The following SACS variants were observed in gnomAD, a reference collection of about 807,000 sequenced individuals.
SACS encodes sacsin.
Under a neutral mutation model 348.0 loss-of-function variants are expected in SACS, and 197 were observed. That is an observed-to-expected ratio of 0.57 (90% CI 0.50 to 0.64). The LOEUF (loss-of-function observed/expected upper bound fraction) is 0.64, where lower values mean the gene tolerates loss of function less well. SACS is among the 30% of genes least tolerant of loss of function. The probability of loss-of-function intolerance (pLI) is 0.00; values close to 1 mark genes in which losing one functional copy is unlikely to be tolerated. For synonymous variants in SACS, 1,985 were observed against 1,910.6 expected (o/e 1.04, Z -1.02); for missense variants, 4,999 against 5,360.8 (o/e 0.93, Z 2.11).
At chr13:23,360,750 G>A (rs964844032) in intron 6 of SACS, among the ~76,000 whole-genome samples, 10 of 111,158 alleles carry the variant, frequency 9.0e-5, no homozygotes, top group Non-Finnish European at 1.6e-4. Flanking sequence ...CACTCTCCAA[G>A]GTACTTTTTT....
chr13:23,400,781 T>A (rs1342326927), intron 2 of SACS, among the ~76,000 whole-genome samples: 1 of 152,222 alleles, frequency 6.6e-6, no homozygotes, highest in Non-Finnish European at 1.5e-5. Flanking sequence ...TCCTATTTAG[T>A]CAAATGTTCA....
chr13:23,345,875 GACC>G (rs2137666928), intron 9 of SACS, among the ~76,000 whole-genome samples: 1 of 152,068 alleles, frequency 6.6e-6, no homozygotes, highest in African/African-American at 2.4e-5. Context: ...GGGAAAATAG[GACC>G]ACTAGTTGAG....
At position 23,335,249 on chromosome 13, in the gene SACS, T is replaced by G. The variant is rs1305353841; in HGVS notation, c.8627A>C (p.Glu2876Ala). ...ATTCACATGAAATGGCAGCCCAGTC[T>G]CCAAAGAAAGAGGCAAAAAACAGAA... Reference protein sequence around the residue: ...RAFCFLPLSLETGLPFHVNGH... With the variant: ...RAFCFLPLSLATGLPFHVNGH... Residue 2876 changes from glutamate (E) to alanine (A), a missense_variant, in exon 10 of 10, where the codon GAG (glutamate) becomes GCG (alanine). This residue lies in a region of SACS where 21 missense variants were observed against 51.8 expected (regional missense o/e 0.41). Transcript: ENST00000382292. The surrounding 1 kb of genome is among the most constrained non-coding windows in gnomAD (Gnocchi z 4.7). 1.2e-6 allele frequency: 2 copies of G among 1,613,924 alleles called. No homozygotes were observed. Among genetic ancestry groups the G allele is most frequent in the South Asian group, 1.1e-5 (1 of 91,076 alleles).
chr13:23,427,350 A>AG (rs1417762875), intron 1 of SACS: 5 of 152,256 alleles, frequency 3.3e-5, no homozygotes, highest in African/African-American at 9.6e-5. Context: ...TGTTAGGGAC[A>AG]GGGGCTCCCC....
Position 23,338,529 on chromosome 13 carries a change from T to C in SACS, c.5347A>G (p.Arg1783Gly). ...GCAGCTGGGTCATCATCTGGACCTCTAAAAAGTGGCGACTGTAAATCAGCA... is the reference window on the plus strand; with the variant it reads ...GCAGCTGGGTCATCATCTGGACCTCCAAAAAGTGGCGACTGTAAATCAGCA... ...RIADLQSPLF[R>G]GPDDDPAALF... Residue 1783 changes from arginine (R) to glycine (G), a missense_variant, in exon 10 of 10, where the codon AGA becomes GGA. Physicochemically the swap from Arg to Gly is moderately radical, Grantham distance 125 (BLOSUM62 -2). This residue lies in a region of SACS where 3,156 missense variants were observed against 3,380.1 expected (regional missense o/e 0.93). Transcript: ENST00000382292. 1 of 1,614,226 alleles carries C rather than the reference T, an allele frequency of 6.2e-7. No individual in the cohort carries two copies. Among genetic ancestry groups the C allele is most frequent in the Non-Finnish European group, 8.5e-7 (1 of 1,180,014 alleles).
intron 2 of SACS, among the ~76,000 whole-genome samples, chr13:23,396,688 C>T (rs1297040420): frequency 2.0e-5 from 3 of 152,070 alleles, no homozygotes; most frequent in Admixed American, 6.6e-5. Context: ...ATATTTAAAT[C>T]TTTTCACTGT....
At chr13:23,394,245 G>C (rs976507851) in intron 2 of SACS, among the ~76,000 whole-genome samples, 1 of 152,076 alleles carries the variant, frequency 6.6e-6, no homozygotes, top group African/African-American at 2.4e-5. Flanking sequence ...CCTGTCTTTG[G>C]CCTACCTATT....
At position 23,430,453 on chromosome 13, in the gene SACS, T is replaced by A. The variant is rs547918600; in HGVS notation, c.-502+3162A>T. 6.6e-5 allele frequency among the ~76,000 whole-genome samples: 10 copies of A among 152,286 alleles called. No homozygotes were observed. In the East Asian group the frequency reaches 1.2e-3, roughly 18 times the overall value. On this transcript the variant is annotated intron_variant, in intron 1 of 9. Coordinates refer to ENST00000382292, the MANE Select transcript of SACS (RefSeq NM_014363.6). ...TGAGTTTCAGATAAACCACGAATTA[T>A]TTTTTAGTATGTTTATGTCTTATGC...
At chr13:23,415,306 T>C (rs1873653568) in intron 1 of SACS, among the ~76,000 whole-genome samples, 1 of 152,138 alleles carries the variant, frequency 6.6e-6, no homozygotes, top group African/African-American at 2.4e-5. Flanking sequence ...GTGCTGGGAG[T>C]ACAGGTGTGA....
intron 2 of SACS, among the ~76,000 whole-genome samples, chr13:23,405,098 GC>G (rs1219764222): frequency 6.6e-6 from 1 of 152,080 alleles, no homozygotes; most frequent in Non-Finnish European, 1.5e-5. Flanking sequence ...GCCCGTATAA[GC>G]CAAGATAATC....
chr13:23,378,530 T>A (rs1257238463), intron 2 of SACS, among the ~76,000 whole-genome samples: 1 of 152,144 alleles, frequency 6.6e-6, no homozygotes. Context: ...GGCCTCTGCA[T>A]CCTGGGTTCA....
At position 23,368,942 on chromosome 13, in the gene SACS, G is replaced by A. The variant is rs531095176; in HGVS notation, c.260-455C>T. ...TCTTGATCTCCTGACCTCGTGATCC[G>A]CCCACCTTGGCCTCCCAAAGTGCTG... On this transcript the variant is annotated intron_variant, in intron 4 of 9. Transcript: ENST00000382292. 1.0e-3 allele frequency among the ~76,000 whole-genome samples: 154 copies of A among 152,142 alleles called. 2 individuals carry two copies. The South Asian group carries it at 0.019, about 19-fold the overall frequency.
At chr13:23,402,929 G>A (rs748437478) in intron 2 of SACS, among the ~76,000 whole-genome samples, 45 of 151,108 alleles carry the variant, frequency 3.0e-4, no homozygotes, top group South Asian at 6.4e-4. Flanking sequence ...TATAATCCCA[G>A]CACTTTGGGA....
chr13:23,363,508 G>A (rs1156282923), intron 6 of SACS, among the ~76,000 whole-genome samples: 1 of 152,216 alleles, frequency 6.6e-6, no homozygotes, highest in Non-Finnish European at 1.5e-5. Context: ...TTACAGGTGT[G>A]AGCCACCGCA....
chr13:23,390,707 T>C (rs1355242330), intron 2 of SACS, among the ~76,000 whole-genome samples: 1 of 152,184 alleles, frequency 6.6e-6, no homozygotes, highest in East Asian at 1.9e-4. Flanking sequence ...TCCTAATGTG[T>C]TATACTGGGT....
chr13:23,357,921 A>G (rs1217404271), intron 7 of SACS, among the ~76,000 whole-genome samples: 2 of 152,242 alleles, frequency 1.3e-5, no homozygotes, highest in Non-Finnish European at 2.9e-5. Context: ...ACCATTAGAT[A>G]TTATACCTTC....
chr13:23,368,984 C>T lies in SACS; in HGVS notation c.260-497G>A, dbSNP rs369584402. On this transcript the variant is annotated intron_variant, in intron 4 of 9. Transcript: ENST00000382292. ...AAAGTGCTGGGATTCCAGGCGTGAGCCACCATGCCTGGCCTCAAGATTTTT... is the reference window on the plus strand; with the variant it reads ...AAAGTGCTGGGATTCCAGGCGTGAGTCACCATGCCTGGCCTCAAGATTTTT... 2.3e-4 allele frequency among the ~76,000 whole-genome samples: 35 copies of T among 152,292 alleles called. No individual in the cohort carries two copies. In the South Asian group the frequency reaches 6.2e-3, roughly 27 times the overall value.
At chr13:23,363,243 T>C (rs1870851515) in intron 6 of SACS, among the ~76,000 whole-genome samples, 1 of 149,876 alleles carries the variant, frequency 6.7e-6, no homozygotes, top group Non-Finnish European at 1.5e-5. Context: ...ATATTTATTT[T>C]TGAGACACAG....
At position 23,341,142 on chromosome 13, in the gene SACS, C is replaced by T. The variant is rs777238047; in HGVS notation, c.2734G>A (p.Asp912Asn). ...ATTCTTTTCTCTTTCTCACTGCTAT[C>T]GGTTAAACTAGCCAAGAACTTCCTC... ...ALRKFLASLTDSSEKEKRIIQ... is the reference protein window; with the variant it reads ...ALRKFLASLTNSSEKEKRIIQ... The change falls in exon 10 of 10, where the codon GAT becomes AAT. Residue 912 changes from aspartate (D) to asparagine (N), a missense_variant. By Grantham distance (23) the Asp-to-Asn change is conservative. Around this residue, in one of 6 missense-constraint regions of SACS, gnomAD observed 3,156 missense variants for 3,380.1 expected, o/e 0.93. Transcript: ENST00000382292. 4.3e-6 allele frequency: 7 copies of T among 1,613,040 alleles called. No homozygotes were observed. The Admixed American group carries it at 5.0e-5, about 12-fold the overall frequency.
Sources: gnomAD v4.1 joint callset for allele counts (sites outside exome capture counted in the v4.1 genomes callset) on GRCh38, gnomAD v4.1.1 for gene constraint, gnomAD v4.1.1 regional missense constraint, Gnocchi (gnomAD v3.1) non-coding constraint, MANE v1.5 for transcripts, NCBI Gene and HGNC (gene_info 2026-07-23, HGNC 2026-07-21) for gene names.